The following SVOPL variants were observed in gnomAD, a reference collection of about 807,000 sequenced individuals.
SVOPL encodes the protein SVOP like, also known as putative transporter SVOPL.
SVOPL carries 60 observed loss-of-function variants against 61.0 expected under a neutral mutation model. That is an observed-to-expected ratio of 0.98 (90% CI 0.80 to 1.22). SVOPL has a LOEUF of 1.22. Among genes scored for constraint, SVOPL ranks in the 50% most tolerant of loss-of-function variants. The pLI is 0.00. For synonymous variants in SVOPL, 279 were observed against 250.0 expected (o/e 1.12, Z -1.09); for missense variants, 662 against 643.9 (o/e 1.03, Z -0.30).
chr7:138,664,144 A>C, intron 4 of SVOPL: 12 of 901,280 alleles, frequency 1.3e-5, no homozygotes, highest in Non-Finnish European at 1.6e-5. Flanking sequence ...ACTCGCCCCC[A>C]ACGATCCTCA....
intron 1 of SVOPL, among the ~76,000 whole-genome samples, chr7:138,686,717 G>A (rs1009658896): frequency 2.6e-5 from 4 of 151,310 alleles, no homozygotes; most frequent in Non-Finnish European, 4.4e-5. Flanking sequence ...ATCATGCACC[G>A]CCACGCCCGG....
chr7:138,600,253 A>C (rs1299077153), intron 14 of SVOPL, among the ~76,000 whole-genome samples: 1 of 152,218 alleles, frequency 6.6e-6, no homozygotes, highest in Non-Finnish European at 1.5e-5. Context: ...CAAAGTGCAA[A>C]TTAAGACAAG....
chr7:138,650,148 G>C (rs1267452537), intron 7 of SVOPL, among the ~76,000 whole-genome samples: 1 of 152,122 alleles, frequency 6.6e-6, no homozygotes, highest in African/African-American at 2.4e-5. Context: ...ATTTTTAATT[G>C]ATACATTTTC....
At chr7:138,596,171 A>G (rs913654232) in intron 15 of SVOPL, among the ~76,000 whole-genome samples, 13 of 145,648 alleles carry the variant, frequency 8.9e-5, no homozygotes, top group Non-Finnish European at 1.5e-4. Context: ...CCTGGGCAAC[A>G]GAGTCAGACT....
intron 8 of SVOPL, chr7:138,645,805 GT>G: frequency 6.2e-6 from 1 of 160,292 alleles, no homozygotes; most frequent in Non-Finnish European, 1.4e-5. Flanking sequence ...CGGCTTCCTT[GT>G]TTTTTTGTTT....
chr7:138,670,468 C>T (rs369692198), intron 4 of SVOPL, among the ~76,000 whole-genome samples: 5 of 152,108 alleles, frequency 3.3e-5, no homozygotes, highest in East Asian at 1.9e-4. Flanking sequence ...TTTTTGACAA[C>T]GGGATGACTC....
intron 1 of SVOPL, among the ~76,000 whole-genome samples, chr7:138,690,105 C>T (rs546217861): frequency 1.2e-4 from 19 of 152,192 alleles, no homozygotes; most frequent in African/African-American, 4.6e-4. Context: ...CAGAAAGAAC[C>T]CACCCTGCCA....
intron 1 of SVOPL, among the ~76,000 whole-genome samples, chr7:138,690,741 A>G (rs1165739380): frequency 6.6e-6 from 1 of 151,812 alleles, no homozygotes; most frequent in Non-Finnish European, 1.5e-5. Flanking sequence ...AACATACTCA[A>G]GATCACTGAA....
At chr7:138,629,238 T>TTTC (rs67832816) in intron 10 of SVOPL, among the ~76,000 whole-genome samples, 1,342 of 7,962 alleles carry the variant, frequency 0.17, 23 homozygotes, top group African/African-American at 0.29. Flanking sequence ...CTCTTCATGA[T>TTTC]TTTTTTTTTT....
chr7:138,623,178 G>T (rs1327835085), intron 13 of SVOPL, among the ~76,000 whole-genome samples: 1 of 152,130 alleles, frequency 6.6e-6, no homozygotes, highest in Non-Finnish European at 1.5e-5. Context: ...TGAAAATAAT[G>T]AATTCAGATG....
At chr7:138,639,507 A>G (rs1339007344) in intron 9 of SVOPL, among the ~76,000 whole-genome samples, 3 of 147,246 alleles carry the variant, frequency 2.0e-5, no homozygotes, top group Admixed American at 6.8e-5. Context: ...GGTGCCTGTA[A>G]TCCCAGCTAC....
chr7:138,635,023 C>T (rs1000752895), intron 9 of SVOPL, among the ~76,000 whole-genome samples: 5 of 152,090 alleles, frequency 3.3e-5, no homozygotes, highest in African/African-American at 1.2e-4. Flanking sequence ...AATCCCAGCA[C>T]TTTGGGAGGG....
At chr7:138,685,440 G>C (rs1355224859) in intron 1 of SVOPL, among the ~76,000 whole-genome samples, 1 of 152,164 alleles carries the variant, frequency 6.6e-6, no homozygotes, top group Non-Finnish European at 1.5e-5. Flanking sequence ...TGGCTGAGGG[G>C]AAGGGGGAAC....
At chr7:138,604,873 GA>G (rs1186426599) in intron 14 of SVOPL, among the ~76,000 whole-genome samples, 1 of 151,610 alleles carries the variant, frequency 6.6e-6, no homozygotes, top group Non-Finnish European at 1.5e-5. Context: ...TTTATTTTAC[GA>G]AAAAATAAAC....
chr7:138,674,210 C>T (rs367673167), intron 3 of SVOPL, among the ~76,000 whole-genome samples: 3,720 of 151,568 alleles, frequency 0.025, 120 homozygotes, highest in East Asian at 0.1. Flanking sequence ...TACACACACA[C>T]ACACACACAT....
intron 14 of SVOPL, among the ~76,000 whole-genome samples, chr7:138,619,550 T>G (rs1799453563): frequency 7.3e-6 from 1 of 136,106 alleles, no homozygotes; most frequent in Admixed American, 7.6e-5. Flanking sequence ...TTAGCTTGGT[T>G]TCTCAGATGT....
intron 4 of SVOPL, among the ~76,000 whole-genome samples, chr7:138,666,421 A>G (rs1802264309): frequency 6.6e-6 from 1 of 152,268 alleles, no homozygotes; most frequent in African/African-American, 2.4e-5. Context: ...TTCTAAAAGC[A>G]TATGATCTGA....
chr7:138,595,038 G>C (rs756835750), intron 15 of SVOPL, among the ~76,000 whole-genome samples: 1 of 151,820 alleles, frequency 6.6e-6, no homozygotes, highest in Non-Finnish European at 1.5e-5. Flanking sequence ...TTACAGACGT[G>C]AGCCACTGTA....
chr7:138,612,427 AAT>A lies in SVOPL; in HGVS notation c.1353+8617_1353+8618del, dbSNP rs1563088367. 2.2e-3 allele frequency among the ~76,000 whole-genome samples: 41 copies of A among 18,440 alleles called. 7 individuals carry two copies. The highest frequency in any genetic ancestry group is 4.4e-3 in the African/African-American group (39 of 8,842). The allele number at this position is 18,440 out of a possible 152,430, so 12.1% of individuals were successfully genotyped here. On this transcript the variant is annotated intron_variant, in intron 14 of 15. Coordinates refer to ENST00000674285, the MANE Select transcript of SVOPL (RefSeq NM_001139456.2). ...AATTAAAAAAAAAAAAAAAAAATAA[AAT>A]AAAAAATAAAAAAAAAATAAAAAAA...
Sources: gnomAD v4.1 joint callset for allele counts (sites outside exome capture counted in the v4.1 genomes callset) on GRCh38, gnomAD v4.1.1 for gene constraint, MANE v1.5 for transcripts, NCBI Gene and HGNC (gene_info 2026-07-23, HGNC 2026-07-21) for gene names.